Variants in KCNC1 observed in about 807,000 individuals in gnomAD.
KCNC1 encodes the protein voltage-gated potassium channel KCNC1.
KCNC1 carries 8 observed loss-of-function variants against 43.4 expected under a neutral mutation model. The ratio of observed to expected loss-of-function variants is 0.18; its 90% CI spans 0.11 to 0.33. KCNC1 has a LOEUF of 0.33. Among genes scored for constraint, KCNC1 ranks in the 10% least tolerant of loss-of-function variants. The probability of loss-of-function intolerance (pLI) is 1.00; values close to 1 mark genes in which losing one functional copy is unlikely to be tolerated. For synonymous variants in KCNC1, 361 were observed against 360.5 expected, an observed-to-expected ratio of 1.00 and a Z score of -0.01; for missense variants, 420 against 836.0, an observed-to-expected ratio of 0.50 and a Z score of 6.14.
chr11:17,752,466 A>T (rs1361536282), intron 1 of KCNC1, among the ~76,000 whole-genome samples: 2 of 152,244 alleles, frequency 1.3e-5, no homozygotes, highest in Non-Finnish European at 2.9e-5. Context: ...GTCTTCCCAT[A>T]AAAAAGCTCC....
At chr11:17,764,404 C>T (rs1590103140) in intron 1 of KCNC1, among the ~76,000 whole-genome samples, 1 of 152,132 alleles carries the variant, frequency 6.6e-6, no homozygotes, top group Admixed American at 6.5e-5. Context: ...TCTGTCCATG[C>T]ACACACATGA....
In KCNC1 at chr11:17,771,507, G is replaced by A. The variant is rs1354752545; in HGVS notation, c.571-158G>A. ...TTTTAGAGCCTGCCCTGACGGTCGT[G>A]CAGGCCCCCTGTGCCCTGAGGAGGG... is the stretch of plus-strand genomic sequence containing the variant. On this transcript the variant is annotated intron_variant, in intron 1 of 3. Transcript: ENST00000265969. This position sits in a 1 kb window ranked among gnomAD's most constrained non-coding sequence, Gnocchi z 4.7. Among the ~76,000 whole-genome samples, 5 of 152,192 alleles carry A rather than the reference G, an allele frequency of 3.3e-5. No individual in the cohort carries two copies. Among genetic ancestry groups the A allele is most frequent in the Non-Finnish European group, 5.9e-5 (4 of 68,028 alleles).
intron 1 of KCNC1, among the ~76,000 whole-genome samples, chr11:17,749,033 C>T (rs1848934539): frequency 6.6e-6 from 1 of 152,182 alleles, no homozygotes; most frequent in Non-Finnish European, 1.5e-5. Flanking sequence ...CCGTGGTGCT[C>T]ACAGGGTTCT....
intron 1 of KCNC1, among the ~76,000 whole-genome samples, chr11:17,766,990 CG>C (rs1849157905): frequency 7.0e-6 from 1 of 142,732 alleles, no homozygotes; most frequent in Non-Finnish European, 1.5e-5. Flanking sequence ...AAAAATTAGC[CG>C]GGCGTGGTGG....
intron 1 of KCNC1, among the ~76,000 whole-genome samples, chr11:17,750,156 G>C (rs1412505404): frequency 1.3e-5 from 2 of 152,208 alleles, no homozygotes; most frequent in African/African-American, 4.8e-5. Flanking sequence ...GTATTTCACA[G>C]GCTGTGGTGG....
chr11:17,756,069 TG>T (rs1389217187), intron 1 of KCNC1, among the ~76,000 whole-genome samples: 3 of 152,182 alleles, frequency 2.0e-5, no homozygotes, highest in Non-Finnish European at 4.4e-5. Flanking sequence ...TGGCATCAGA[TG>T]CTGCTGGTGA....
At chr11:17,754,097 G>A (rs1848998817) in intron 1 of KCNC1, among the ~76,000 whole-genome samples, 1 of 152,198 alleles carries the variant, frequency 6.6e-6, no homozygotes, top group Admixed American at 6.5e-5. Flanking sequence ...CACTGATTGT[G>A]CCCATTGTCA....
rs758088373 is a variant in KCNC1, at chr11:17,779,581, G to A, written c.1630G>A (p.Gly544Arg). The change falls in exon 3 of 4, where the codon GGA becomes AGA. Residue 544 changes from glycine (G) to arginine (R), a missense_variant. Physicochemically the swap from Gly to Arg is moderately radical, Grantham distance 125 (BLOSUM62 -2). Coordinates refer to ENST00000265969, the MANE Select transcript of KCNC1 (RefSeq NM_001112741.2). This position sits in a 1 kb window ranked among gnomAD's most constrained non-coding sequence, Gnocchi z 7.2. The part of the protein sequence containing the change: ...FTRSGTRERY[G>R]PCFLLSTGEY... Reference sequence around the variant, plus strand: ...GCGCTCGGGCACCCGCGAGAGATACGGACCCTGCTTCCTCTTATCAACCGG... The same window carrying A: ...GCGCTCGGGCACCCGCGAGAGATACAGACCCTGCTTCCTCTTATCAACCGG... 3.4e-5 allele frequency: 53 copies of A among 1,551,408 alleles called. No individual in the cohort carries two copies. The highest frequency in any genetic ancestry group is 1.7e-4 in the Middle Eastern group (1 of 6,008).
intron 1 of KCNC1, among the ~76,000 whole-genome samples, chr11:17,753,831 G>A (rs945296938): frequency 6.6e-6 from 1 of 152,146 alleles, no homozygotes; most frequent in African/African-American, 2.4e-5. Context: ...TTCCAATTCC[G>A]ATGCCCAGAT....
At chr11:17,750,485 T>A (rs972362390) in intron 1 of KCNC1, among the ~76,000 whole-genome samples, 1 of 152,184 alleles carries the variant, frequency 6.6e-6, no homozygotes, top group African/African-American at 2.4e-5. Flanking sequence ...ACCAAGCAGA[T>A]ATTTTTTCCT....
intron 1 of KCNC1, among the ~76,000 whole-genome samples, chr11:17,767,157 G>C (rs1167728500): frequency 2.7e-5 from 4 of 150,404 alleles, no homozygotes; most frequent in Non-Finnish European, 4.4e-5. Context: ...TTAGCCGGCT[G>C]TGGTGGTGCA....
In KCNC1 at chr11:17,771,339, A is replaced by G. The variant is rs1849225441; in HGVS notation, c.571-326A>G. 6.6e-6 allele frequency among the ~76,000 whole-genome samples: 1 copy of G among 152,222 alleles called. No individual in the cohort carries two copies. Among genetic ancestry groups the G allele is most frequent in the Non-Finnish European group, 1.5e-5 (1 of 68,046 alleles). On this transcript the variant is annotated intron_variant, in intron 1 of 3. Coordinates refer to ENST00000265969, the MANE Select transcript of KCNC1 (RefSeq NM_001112741.2). The surrounding 1 kb of genome is among the most constrained non-coding windows in gnomAD (Gnocchi z 4.7). ...TGGAAATTTATTTCCCACTCAGGTAACAGTTCAATGTGGGTATGTGGCTGA... is the reference window on the plus strand; with the variant it reads ...TGGAAATTTATTTCCCACTCAGGTAGCAGTTCAATGTGGGTATGTGGCTGA...
chr11:17,759,822 A>G (rs1484564162), intron 1 of KCNC1, among the ~76,000 whole-genome samples: 2 of 152,238 alleles, frequency 1.3e-5, no homozygotes, highest in Non-Finnish European at 2.9e-5. Context: ...AGATATAATA[A>G]TAATGACAAT....
Position 17,773,348 on chromosome 11 carries a change from G to A in KCNC1, c.1504+750G>A. On this transcript the variant is annotated intron_variant, in intron 2 of 3. Coordinates refer to ENST00000265969, the MANE Select transcript of KCNC1 (RefSeq NM_001112741.2). This position sits in a 1 kb window ranked among gnomAD's most constrained non-coding sequence, Gnocchi z 4.1. ...TTCACGTTGTCTGTTTGGGTTGATG[G>A]TCGAGTGGGAGTTTCCGGTGACCCG... 3 of 985,436 alleles carry A rather than the reference G, an allele frequency of 3.0e-6. No individual in the cohort carries two copies. Among genetic ancestry groups the A allele is most frequent in the Non-Finnish European group, 3.6e-6 (3 of 829,952 alleles). 61.0% of individuals were successfully genotyped at this position (985,436 alleles called of 1,614,324 possible). A position where few individuals can be genotyped will look rare whatever the true frequency, so the allele number is the denominator to read the frequency against.
intron 1 of KCNC1, among the ~76,000 whole-genome samples, chr11:17,753,834 G>A (rs1042281905): frequency 6.6e-6 from 1 of 152,150 alleles, no homozygotes; most frequent in Non-Finnish European, 1.5e-5. Context: ...CAATTCCGAT[G>A]CCCAGATTCC....
At chr11:17,759,549 GATTT>G (rs967540748) in intron 1 of KCNC1, among the ~76,000 whole-genome samples, 1 of 152,126 alleles carries the variant, frequency 6.6e-6, no homozygotes, top group Non-Finnish European at 1.5e-5. Context: ...TCTAGCTTTT[GATTT>G]AAAGTGAGAG....
chr11:17,740,302 C>G (rs1038543101), intron 1 of KCNC1, among the ~76,000 whole-genome samples: 8 of 152,142 alleles, frequency 5.3e-5, no homozygotes, highest in Admixed American at 4.6e-4. Flanking sequence ...CTGACACACA[C>G]AAGACAATGA....
rs1435920065 is a variant in KCNC1, at chr11:17,742,145, G to A, written c.570+5573G>A. On this transcript the variant is annotated intron_variant, in intron 1 of 3. Coordinates refer to ENST00000265969, the MANE Select transcript of KCNC1 (RefSeq NM_001112741.2). The surrounding 1 kb of genome is among the most constrained non-coding windows in gnomAD (Gnocchi z 4.2). ...CCTGAGGCCCCTCGTGAGCGGGTTAGCTGAGGGCTGGCTGGGAAACTCGTA... is the reference window on the plus strand; with the variant it reads ...CCTGAGGCCCCTCGTGAGCGGGTTAACTGAGGGCTGGCTGGGAAACTCGTA... Among the ~76,000 whole-genome samples, 1 of 152,334 alleles carries A rather than the reference G, an allele frequency of 6.6e-6. No individual in the cohort carries two copies. Among genetic ancestry groups the A allele is most frequent in the South Asian group, 2.1e-4 (1 of 4,824 alleles).
In KCNC1 at chr11:17,772,583, G is replaced by T; in HGVS notation, c.1489G>T (p.Glu497Ter). 6.2e-7 allele frequency: 1 copy of T among 1,612,806 alleles called. No individual in the cohort carries two copies. Among genetic ancestry groups the T allele is most frequent in the Non-Finnish European group, 8.5e-7 (1 of 1,179,104 alleles). ...TCPLAQEEIL[E>*]INRADSKLNG... ...TCCGCTGGCCCAGGAAGAAATTTTAGAAATTAACAGAGCAGGTAGGAAACC... is the reference window on the plus strand; with the variant it reads ...TCCGCTGGCCCAGGAAGAAATTTTATAAATTAACAGAGCAGGTAGGAAACC... Residue 497 changes from glutamate to a stop codon, truncating the protein, a stop_gained, in exon 2 of 4, where the codon GAA (glutamate) becomes TAA (stop). Transcript: ENST00000265969. LOFTEE classifies it high-confidence loss of function.
Sources: gnomAD v4.1 joint callset for allele counts (sites outside exome capture counted in the v4.1 genomes callset) on GRCh38, gnomAD v4.1.1 for gene constraint, Gnocchi (gnomAD v3.1) non-coding constraint, MANE v1.5 for transcripts, NCBI Gene and HGNC (gene_info 2026-07-23, HGNC 2026-07-21) for gene names.